Variants in NCMAP observed in about 807,000 individuals in gnomAD.
NCMAP encodes noncompact myelin-associated protein.
NCMAP carries 8 observed loss-of-function variants against 7.8 expected under a neutral mutation model. The observed-to-expected ratio is 1.02, with a 90% CI of 0.60 to 1.84. NCMAP has a LOEUF of 1.84. Among genes scored for constraint, NCMAP ranks in the 40% most tolerant of loss-of-function variants. The pLI, the probability that NCMAP is intolerant of heterozygous loss-of-function variation, is 0.00. For synonymous variants in NCMAP, 41 were observed against 52.9 expected (o/e 0.78, Z 0.98); for missense variants, 112 against 131.4 (o/e 0.85, Z 0.72).
intron 1 of NCMAP, among the ~76,000 whole-genome samples, chr1:24,580,344 G>A (rs979869584): frequency 1.3e-5 from 2 of 152,176 alleles, no homozygotes; most frequent in Non-Finnish European, 2.9e-5. Flanking sequence ...CTCTGCAGAC[G>A]GGGGCAGAAC....
At chr1:24,603,051 A>G (rs1398828681) in intron 3 of NCMAP, among the ~76,000 whole-genome samples, 4 of 152,016 alleles carry the variant, frequency 2.6e-5, no homozygotes, top group Admixed American at 2.6e-4. Context: ...AAAAATAAAC[A>G]AAATAAAATA....
intron 1 of NCMAP, among the ~76,000 whole-genome samples, chr1:24,575,469 AG>A (rs1464014353): frequency 6.6e-6 from 1 of 152,130 alleles, no homozygotes; most frequent in African/African-American, 2.4e-5. Flanking sequence ...TGAGGAAATG[AG>A]GCTCCTGGAG....
At chr1:24,568,472 CTGGGGGT>C (rs1168818854) in intron 1 of NCMAP, among the ~76,000 whole-genome samples, 1 of 152,034 alleles carries the variant, frequency 6.6e-6, no homozygotes, top group African/African-American at 2.4e-5. Context: ...TCTCATGTGG[CTGGGGGT>C]TTGGGGAGAT....
In NCMAP at chr1:24,576,659, C is replaced by A. The variant is rs1186482733; in HGVS notation, c.-7-18765C>A. On this transcript the variant is annotated intron_variant, in intron 1 of 3. Coordinates refer to ENST00000374392, the MANE Select transcript of NCMAP (RefSeq NM_001010980.5). This position sits in a 1 kb window ranked among gnomAD's most constrained non-coding sequence, Gnocchi z 4.0. ...ACTGCAGTCCAGACAGAACAAGTGG[C>A]CTGCCCCAGGTCACACAGAAAGTAA... Among the ~76,000 whole-genome samples the A allele has an allele frequency of 6.6e-6, 1 of 152,120 alleles. No homozygotes were observed. The highest frequency in any genetic ancestry group is 1.5e-5 in the Non-Finnish European group (1 of 68,014).
At chr1:24,597,164 A>G (rs1438740828) in intron 2 of NCMAP, among the ~76,000 whole-genome samples, 1 of 152,082 alleles carries the variant, frequency 6.6e-6, no homozygotes, top group Admixed American at 6.5e-5. Context: ...GGGTAGAGAG[A>G]ATCACTATCA....
At chr1:24,577,957 G>A (rs1377842035) in intron 1 of NCMAP, among the ~76,000 whole-genome samples, 1 of 152,020 alleles carries the variant, frequency 6.6e-6, no homozygotes, top group South Asian at 2.1e-4. Flanking sequence ...AATTAGAAAA[G>A]AGGTCTAAAA....
At chr1:24,594,400 C>T (rs560465426) in intron 1 of NCMAP, among the ~76,000 whole-genome samples, 1 of 152,252 alleles carries the variant, frequency 6.6e-6, no homozygotes, top group African/African-American at 2.4e-5. Flanking sequence ...CAAGCTCCAC[C>T]TCCTACTTGT....
At chr1:24,581,037 G>C (rs1312608952) in intron 1 of NCMAP, among the ~76,000 whole-genome samples, 1 of 151,308 alleles carries the variant, frequency 6.6e-6, no homozygotes, top group Admixed American at 6.6e-5. Flanking sequence ...TTCCTTCACT[G>C]TCATGTGCCA....
intron 1 of NCMAP, among the ~76,000 whole-genome samples, chr1:24,564,848 C>G (rs1295468772): frequency 1.3e-5 from 2 of 151,794 alleles, no homozygotes; most frequent in Non-Finnish European, 2.9e-5. Context: ...ACAGCAATAC[C>G]CGATAAAGTC....
chr1:24,586,427 T>A (rs182604516), intron 1 of NCMAP, among the ~76,000 whole-genome samples: 1 of 152,354 alleles, frequency 6.6e-6, no homozygotes, highest in African/African-American at 2.4e-5. Context: ...ATTGTCATCA[T>A]GCGACTGTCA....
intron 1 of NCMAP, among the ~76,000 whole-genome samples, chr1:24,589,935 G>A (rs1316982772): frequency 6.6e-6 from 1 of 152,134 alleles, no homozygotes; most frequent in Non-Finnish European, 1.5e-5. Context: ...CAATTCTCCT[G>A]CCTCAGCCTC....
intron 2 of NCMAP, among the ~76,000 whole-genome samples, chr1:24,596,796 T>A (rs529497766): frequency 6.6e-6 from 1 of 151,944 alleles, no homozygotes; most frequent in African/African-American, 2.4e-5. Context: ...GCGGGAAGAG[T>A]GAGTTCTGGG....
chr1:24,603,916 A>G (rs1236576324), intron 3 of NCMAP, among the ~76,000 whole-genome samples: 1 of 152,244 alleles, frequency 6.6e-6, no homozygotes, highest in African/African-American at 2.4e-5. Context: ...TAAATTATAC[A>G]GAAAAGAGAT....
chr1:24,596,143 A>G (rs932416257), intron 2 of NCMAP, among the ~76,000 whole-genome samples: 1 of 152,114 alleles, frequency 6.6e-6, no homozygotes, highest in Non-Finnish European at 1.5e-5. Context: ...TTAGCTGGGC[A>G]TGGTGGTGTG....
chr1:24,563,961 T>C (rs765327794), intron 1 of NCMAP: 1 of 152,118 alleles, frequency 6.6e-6, no homozygotes, highest in Non-Finnish European at 1.5e-5. Flanking sequence ...ATTGGGAAGA[T>C]GTAGGAATAA....
At chr1:24,569,516 T>C (rs1651327887) in intron 1 of NCMAP, among the ~76,000 whole-genome samples, 1 of 150,146 alleles carries the variant, frequency 6.7e-6, no homozygotes, top group Non-Finnish European at 1.5e-5. Context: ...CAAATGATAA[T>C]AGTAACAATG....
At position 24,571,974 on chromosome 1, in the gene NCMAP, T is replaced by C. The variant is rs75555747; in HGVS notation, c.-8+15805T>C. Among the ~76,000 whole-genome samples, 29 of 151,032 alleles carry C rather than the reference T, an allele frequency of 1.9e-4. 3 individuals carry two copies. The highest frequency in any genetic ancestry group is 6.9e-4 in the African/African-American group (28 of 40,312). ...TGGGCATTTTGCACTTAAAATACAT[T>C]GTAACTCACAGCAGCCACATTTCCG... On this transcript the variant is annotated intron_variant, in intron 1 of 3. Transcript: ENST00000374392.
At chr1:24,574,683 C>T (rs1046416117) in intron 1 of NCMAP, among the ~76,000 whole-genome samples, 2 of 151,982 alleles carry the variant, frequency 1.3e-5, no homozygotes, top group Non-Finnish European at 2.9e-5. Context: ...TCAGAGACAA[C>T]ATCAGGGGCC....
chr1:24,604,608 ATATATATATATATATATATATAT>A (rs1652647984), intron 3 of NCMAP, among the ~76,000 whole-genome samples: 2 of 8,986 alleles, frequency 2.2e-4, no homozygotes, highest in African/African-American at 8.5e-4. Context: ...AAAAAAAAAT[ATATATATATATATATATATATAT>A]ATATATATAT....
Sources: gnomAD v4.1 joint callset for allele counts (sites outside exome capture counted in the v4.1 genomes callset) on GRCh38, gnomAD v4.1.1 for gene constraint, Gnocchi (gnomAD v3.1) non-coding constraint, MANE v1.5 for transcripts, NCBI Gene and HGNC (gene_info 2026-07-23, HGNC 2026-07-21) for gene names.